Variants in TNS1 observed in about 807,000 individuals in gnomAD.
TNS1 encodes the protein tensin 1.
TNS1 carries 62 observed loss-of-function variants against 168.6 expected under a neutral mutation model. That is an observed-to-expected ratio of 0.37 (90% CI 0.30 to 0.45). TNS1 has a LOEUF of 0.45. Among genes scored for constraint, TNS1 ranks in the 20% least tolerant of loss-of-function variants. TNS1 has a pLI of 1.00. For synonymous variants in TNS1, 934 were observed against 933.2 expected, an observed-to-expected ratio of 1.00 and a Z score of -0.02; for missense variants, 2,240 against 2,339.4, an observed-to-expected ratio of 0.96 and a Z score of 0.88.
chr2:217,962,547 G>A (rs1461031264), intron 3 of TNS1, among the ~76,000 whole-genome samples: 1 of 152,172 alleles, frequency 6.6e-6, no homozygotes, highest in Non-Finnish European at 1.5e-5. Context: ...ATGACCATAT[G>A]AGTTTATGAT....
chr2:217,866,159 T>G (rs938070694), intron 18 of TNS1, among the ~76,000 whole-genome samples: 1 of 152,154 alleles, frequency 6.6e-6, no homozygotes, highest in Non-Finnish European at 1.5e-5. Context: ...CCAGCCACGG[T>G]GTAACAAACA....
At chr2:217,996,664 A>G (rs1373354962) in intron 1 of TNS1, among the ~76,000 whole-genome samples, 3 of 151,480 alleles carry the variant, frequency 2.0e-5, no homozygotes, top group Non-Finnish European at 4.4e-5. Context: ...TCATCGTCCT[A>G]TGCTTTCTAA....
intron 3 of TNS1, among the ~76,000 whole-genome samples, chr2:217,966,300 T>C (rs1009810646): frequency 5.6e-4 from 80 of 142,156 alleles, no homozygotes; most frequent in Non-Finnish European, 7.4e-5. Context: ...TGTGTGTGTG[T>C]GTGTGTGTGC....
chr2:217,958,737 G>A (rs778759357), intron 3 of TNS1, among the ~76,000 whole-genome samples: 8 of 152,282 alleles, frequency 5.3e-5, no homozygotes, highest in East Asian at 1.9e-4. Context: ...TTGTTGAACC[G>A]CCCAGGCAGG....
Position 217,995,152 on chromosome 2 carries a change from G to T in TNS1, c.34-4096C>A, listed in dbSNP as rs1417280541. On this transcript the variant is annotated intron_variant, in intron 1 of 32. Coordinates refer to ENST00000682258, the MANE Select transcript of TNS1 (RefSeq NM_001387777.1). The surrounding 1 kb of genome is among the most constrained non-coding windows in gnomAD (Gnocchi z 4.1). ...AGGAGGCTGTGAAACTCTGGTAGGA[G>T]CGAGGGACTAGCTCTGCCACCTCCA... Among the ~76,000 whole-genome samples, 2 of 152,192 alleles carry T rather than the reference G, an allele frequency of 1.3e-5. No individual in the cohort carries two copies. Among genetic ancestry groups the T allele is most frequent in the African/African-American group, 4.8e-5 (2 of 41,452 alleles).
intron 7 of TNS1, 85 bp downstream of exon 7, chr2:217,900,378 G>T: frequency 6.9e-7 from 1 of 1,457,664 alleles, no homozygotes; most frequent in South Asian, 1.2e-5. Flanking sequence ...CAGTCCGGGG[G>T]ACCCAGAGGC....
chr2:217,993,898 T>C (rs1263942555), intron 1 of TNS1, among the ~76,000 whole-genome samples: 1 of 152,320 alleles, frequency 6.6e-6, no homozygotes, highest in East Asian at 1.9e-4. Flanking sequence ...CAAATGTTCT[T>C]TGCACTGTAT....
chr2:217,981,337 C>T (rs1256576885), intron 2 of TNS1, among the ~76,000 whole-genome samples: 1 of 152,250 alleles, frequency 6.6e-6, no homozygotes, highest in Admixed American at 6.5e-5. Context: ...CTCCTGTGCT[C>T]TCTCGGGTAG....
chr2:217,803,680 G>A lies in TNS1; in HGVS notation c.*779C>T, dbSNP rs1211532105. 1.3e-5 allele frequency: 2 copies of A among 152,662 alleles called. No individual in the cohort carries two copies. Among genetic ancestry groups the A allele is most frequent in the African/African-American group, 4.8e-5 (2 of 41,442 alleles). The allele number at this position is 152,662 out of a possible 1,614,324, so 9.5% of individuals were successfully genotyped here. A position where few individuals can be genotyped will look rare whatever the true frequency, so the allele number is the denominator to read the frequency against. On this transcript the variant is annotated 3_prime_UTR_variant, in exon 33 of 33. Coordinates refer to ENST00000682258, the MANE Select transcript of TNS1 (RefSeq NM_001387777.1). ...CCAGGGTCACTAGAGTGCAGGTGCA[G>A]GCACCAGGAGAGAGCCTCTGTCACC...
rs370334947 is a variant in TNS1 at position 217,906,344 on chromosome 2, G to A, written c.312C>T (p.Leu104=). 8.1e-4 allele frequency: 550 copies of A among 677,620 alleles called. 5 individuals are homozygous for A. In the East Asian group the frequency reaches 0.011, roughly 14 times the overall value. The allele number at this position is 677,620 out of a possible 1,614,324, so 42.0% of individuals were successfully genotyped here. ...CCCCATCCACACTCACGTTGTCCTC[G>A]AGGCTTTTCCGTGTGTTTCCACCCC... ...ASRGGNTRKS[L]EDNGSTRVTP... Residue 104 remains leucine (L), a synonymous_variant, in exon 6 of 33, where the codon CTC becomes CTT. Transcript: ENST00000682258.
intron 18 of TNS1, among the ~76,000 whole-genome samples, chr2:217,860,974 C>T (rs754026962): frequency 1.3e-5 from 2 of 152,134 alleles, no homozygotes; most frequent in Non-Finnish European, 2.9e-5. Flanking sequence ...ACCCCGATCC[C>T]CTGGCTCCAC....
intron 30 of TNS1, 37 bp from the exon 31 acceptor site, chr2:217,808,708 C>T: frequency 6.3e-7 from 1 of 1,599,880 alleles, no homozygotes; most frequent in South Asian, 1.1e-5. Context: ...AGAATGAGTG[C>T]TGAAGGGGCT....
chr2:217,885,188 C>A (rs1178871748), intron 15 of TNS1, 24 bp from the exon 16 acceptor site: 3 of 1,613,944 alleles, frequency 1.9e-6, no homozygotes, highest in East Asian at 2.2e-5. Flanking sequence ...CGGGCAGAAC[C>A]AGTCAGGGGC....
At chr2:217,863,022 A>C (rs1948928341) in intron 18 of TNS1, among the ~76,000 whole-genome samples, 1 of 150,314 alleles carries the variant, frequency 6.7e-6, no homozygotes, top group Non-Finnish European at 1.5e-5. Context: ...TCCAGGGAGG[A>C]AGGGGGCCCA....
intron 22 of TNS1, among the ~76,000 whole-genome samples, chr2:217,823,029 G>A (rs10490756): frequency 0.05 from 7,588 of 152,280 alleles, 550 homozygotes; most frequent in East Asian, 0.25. Flanking sequence ...CTGAGAAACT[G>A]AAGAACCAGA....
chr2:217,847,620 C>G lies in TNS1; in HGVS notation c.2897G>C (p.Gly966Ala). ...TGAGAGCAGAGGCTGAGCAGTGAGG[C>G]CAGGGAGAGAGGCTGGGGGTTGCTG... ...GPQQPPASLP[G>A]LTAQPLLSPK... The change falls in exon 19 of 33, where the codon GGC (glycine) becomes GCC (alanine). Residue 966 changes from glycine (G) to alanine (A), a missense_variant. Around this residue, in one of 2 missense-constraint regions of TNS1, gnomAD observed 2,131 missense variants for 2,171.2 expected, o/e 0.98. Transcript: ENST00000682258. The G allele has an allele frequency of 6.3e-7, 1 of 1,575,458 alleles. No individual in the cohort carries two copies. The highest frequency in any genetic ancestry group is 8.7e-7 in the Non-Finnish European group (1 of 1,152,748).
At chr2:218,017,837 C>T (rs1958775219) in intron 1 of TNS1, among the ~76,000 whole-genome samples, 1 of 152,228 alleles carries the variant, frequency 6.6e-6, no homozygotes, top group Admixed American at 6.5e-5. Flanking sequence ...CCTCCTGGCT[C>T]TGCCAGCTGC....
chr2:217,852,367 G>A lies in TNS1; in HGVS notation c.1430-3280C>T, dbSNP rs573693765. ...CCCTCTGCCACCTACACTGTGAGGT[G>A]CCAGAATTTCCCTCCTGGGCCAGTG... On this transcript the variant is annotated intron_variant, in intron 18 of 32. Coordinates refer to ENST00000682258, the MANE Select transcript of TNS1 (RefSeq NM_001387777.1). Among the ~76,000 whole-genome samples, 3 of 152,288 alleles carry A rather than the reference G, an allele frequency of 2.0e-5. No homozygotes were observed. In the South Asian group the frequency reaches 6.2e-4, roughly 32 times the overall value.
chr2:218,028,105 G>C (rs75268795), intron 1 of TNS1, among the ~76,000 whole-genome samples: 2,041 of 152,312 alleles, frequency 0.013, 47 homozygotes, highest in African/African-American at 0.047. Flanking sequence ...AGCCCCAGCT[G>C]GTCACCAGGC....
Sources: allele counts gnomAD v4.1 joint callset (sites outside exome capture counted in the v4.1 genomes callset), GRCh38; gene constraint gnomAD v4.1.1; regional missense constraint gnomAD v4.1.1; non-coding constraint Gnocchi (gnomAD v3.1); transcripts MANE v1.5; gene names NCBI Gene and HGNC (gene_info 2026-07-23, HGNC 2026-07-21).